RPS20: variants seen among roughly 807,000 people sequenced by gnomAD.
The protein encoded by RPS20 is small ribosomal subunit protein uS10.
Under a neutral mutation model 15.3 loss-of-function variants are expected in RPS20, and 3 were observed. That is an observed-to-expected ratio of 0.20 (90% CI 0.09 to 0.51). The LOEUF is 0.51. Among genes scored for constraint, RPS20 ranks in the 20% least tolerant of loss-of-function variants. The probability of loss-of-function intolerance (pLI) is 0.96; values close to 1 mark genes in which losing one functional copy is unlikely to be tolerated. For synonymous variants in RPS20, 62 were observed against 47.8 expected (o/e 1.30, Z -1.23); for missense variants, 67 against 145.9 (o/e 0.46, Z 2.79).
rs902474860 is a variant in RPS20 at position 56,074,466 on chromosome 8, C to G, written c.-83G>C. ...GAGTCAGGAGCAGGAGCGTGCGGAC[C>G]AAAAATCCTCAGCCCTTACGACCGC... On this transcript the variant is annotated 5_prime_UTR_variant, in exon 1 of 4. Transcript: ENST00000009589. 48 of 1,464,330 alleles carry G rather than the reference C, an allele frequency of 3.3e-5. No homozygotes were observed. Among genetic ancestry groups the G allele is most frequent in the Non-Finnish European group, 3.7e-5 (40 of 1,087,942 alleles). The allele number at this position is 1,464,330 out of a possible 1,614,324, so 90.7% of individuals were successfully genotyped here.
chr8:56,071,752 T>G (rs373108809), downstream of RPS20, among the ~76,000 whole-genome samples: 6 of 152,202 alleles, frequency 3.9e-5, no homozygotes, highest in Admixed American at 2.0e-4. Context: ...TTTGAAAAGA[T>G]AGCAGAGTTC....
chr8:56,072,995 C>G, downstream of RPS20: 1 of 1,501,240 alleles, frequency 6.7e-7, no homozygotes, highest in Non-Finnish European at 8.8e-7. Flanking sequence ...GTGGAAGTCT[C>G]ATAGTACACC....
At chr8:56,069,172 G>A (rs531507059), downstream of RPS20, among the ~76,000 whole-genome samples, 21 of 152,194 alleles carry the variant, frequency 1.4e-4, no homozygotes, top group African/African-American at 5.1e-4. Context: ...CAATTTCTAT[G>A]AAAGTGAAAT....
At chr8:56,073,993 A>G in intron 2 of RPS20, 67 bp downstream of exon 2, 2 of 1,301,854 alleles carry the variant, frequency 1.5e-6, no homozygotes, top group Admixed American at 3.4e-5. Flanking sequence ...CTACACTAAC[A>G]TTAACGAGTA....
Position 56,073,691 on chromosome 8 carries a change from T to C in RPS20, c.177+4A>G. 1 of 1,612,984 alleles carries C rather than the reference T, an allele frequency of 6.2e-7. No homozygotes were observed. The highest frequency in any genetic ancestry group is 1.7e-5 in the Admixed American group (1 of 60,020). ...CTACTTCCTGCCCCTCCGATTTACT[T>C]TACCTTGGTAGGCATTCGAACTGGT... is the stretch of plus-strand genomic sequence containing the variant. On this transcript the variant is annotated splice_donor_region_variant and intron_variant, in intron 3 of 3. Coordinates refer to ENST00000009589, the MANE Select transcript of RPS20 (RefSeq NM_001023.4).
At position 56,074,182 on chromosome 8, in the gene RPS20, GAAC is replaced by G. The variant is rs761842219; in HGVS notation, c.4-26_4-24del. The G allele has an allele frequency of 2.6e-5, 42 of 1,594,940 alleles. No homozygotes were observed. The African/African-American group carries it at 2.7e-4, about 10-fold the overall frequency. On this transcript the variant is annotated intron_variant, in intron 1 of 3. Coordinates refer to ENST00000009589, the MANE Select transcript of RPS20 (RefSeq NM_001023.4). ...AGCCTATTATTAGATACATGAAAAA[GAAC>G]AATAAGCCAAAAATGGTCTGCCACT... is the stretch of plus-strand genomic sequence containing the variant.
exon 6 of RPS20, chr8:56,067,664 C>G (rs1407561178): frequency 6.8e-6 from 1 of 147,040 alleles, no homozygotes; most frequent in Non-Finnish European, 1.5e-5. Flanking sequence ...CCAGCCTGGG[C>G]GACAGAGCGA....
At chr8:56,074,347 G>T in intron 1 of RPS20, 34 bp downstream of exon 1, 1 of 1,549,560 alleles carries the variant, frequency 6.5e-7, no homozygotes, top group Non-Finnish European at 8.7e-7. Flanking sequence ...CCCGAGCCCT[G>T]CGTTGCGCCG....
chr8:56,068,855 CTCAG>C (rs1809680824), downstream of RPS20, among the ~76,000 whole-genome samples: 5 of 84,638 alleles, frequency 5.9e-5, 1 homozygote, highest in South Asian at 2.1e-3. Flanking sequence ...GAGACAGAGT[CTCAG>C]TCTGTCGCCC....
downstream of RPS20, among the ~76,000 whole-genome samples, chr8:56,071,247 T>C (rs996845261): frequency 2.6e-5 from 4 of 152,204 alleles, no homozygotes; most frequent in Admixed American, 1.3e-4. Context: ...TGGACTTTAG[T>C]GACATTTTTT....
downstream of RPS20, among the ~76,000 whole-genome samples, chr8:56,068,803 ATATCTTTTTTTTT>A (rs1247857883): frequency 0.023 from 2,096 of 92,602 alleles, 53 homozygotes; most frequent in South Asian, 0.031. Flanking sequence ...CTTGGTGAAA[ATATCTTTTTTTTT>A]TTTTTTTTTT....
At chr8:56,070,632 G>A (rs1368388716), downstream of RPS20, among the ~76,000 whole-genome samples, 1 of 151,980 alleles carries the variant, frequency 6.6e-6, no homozygotes, top group Non-Finnish European at 1.5e-5. Context: ...TTGAGGTTGA[G>A]GCAGGAGGAT....
chr8:56,067,589 G>A (rs1809646863), exon 6 of RPS20: 1 of 151,976 alleles, frequency 6.6e-6, no homozygotes, highest in African/African-American at 2.4e-5. Context: ...AGGAGGCTGA[G>A]GCAGGAGAAT....
downstream of RPS20, among the ~76,000 whole-genome samples, chr8:56,068,788 AT>A: frequency 2.2e-4 from 14 of 63,856 alleles, no homozygotes; most frequent in African/African-American, 6.3e-4. Context: ...AAATTTCCAT[AT>A]TCTCTTGGTG....
intron 3 of RPS20, 45 bp from the exon 4 acceptor site, chr8:56,073,317 T>G: frequency 8.1e-7 from 1 of 1,229,682 alleles, no homozygotes; most frequent in Non-Finnish European, 1.2e-6. Context: ...CGTTTTATAC[T>G]TATCCCTAGA....
downstream of RPS20, among the ~76,000 whole-genome samples, chr8:56,071,100 C>G (rs80112801): frequency 6.6e-6 from 1 of 152,196 alleles, no homozygotes; most frequent in Non-Finnish European, 1.5e-5. Flanking sequence ...TTCTCAATTA[C>G]GTATAGCTTT....
At chr8:56,073,050 G>T, downstream of RPS20, 1 of 1,580,768 alleles carries the variant, frequency 6.3e-7, no homozygotes, top group South Asian at 1.1e-5. Context: ...AAAACCAACA[G>T]AAGTTAACAA....
chr8:56,072,945 G>A, downstream of RPS20: 3 of 1,415,988 alleles, frequency 2.1e-6, no homozygotes, highest in Non-Finnish European at 1.8e-6. Context: ...ACGAAAACAG[G>A]ATAGACCACT....
chr8:56,072,936 C>A, downstream of RPS20: 2 of 1,380,978 alleles, frequency 1.4e-6, no homozygotes, highest in Non-Finnish European at 1.9e-6. Context: ...CAAACGACAA[C>A]GAAAACAGGA....
Sources: allele counts gnomAD v4.1 joint callset (sites outside exome capture counted in the v4.1 genomes callset), GRCh38; gene constraint gnomAD v4.1.1; transcripts MANE v1.5; gene names NCBI Gene and HGNC (gene_info 2026-07-23, HGNC 2026-07-21).